HEATR9: variants seen among roughly 807,000 people sequenced by gnomAD.
HEATR9 encodes HEAT repeat containing 9, also known as protein HEATR9.
Under a neutral mutation model 68.2 loss-of-function variants are expected in HEATR9, and 54 were observed. That is an observed-to-expected ratio of 0.79 (90% confidence interval 0.64 to 0.99). The LOEUF (loss-of-function observed/expected upper bound fraction) is 0.99, where lower values mean the gene tolerates loss of function less well. Ranked by LOEUF, HEATR9 falls within the 50% of genes least tolerant of loss-of-function variation. The probability of loss-of-function intolerance (pLI) is 0.00; values close to 1 mark genes in which losing one functional copy is unlikely to be tolerated. For synonymous variants in HEATR9, 241 were observed against 253.5 expected (o/e 0.95, Z 0.47); for missense variants, 662 against 679.7 (o/e 0.97, Z 0.29).
intron 2 of HEATR9, among the ~76,000 whole-genome samples, chr17:35,865,758 G>A (rs1163937222): frequency 6.6e-6 from 1 of 152,168 alleles, no homozygotes; most frequent in Non-Finnish European, 1.5e-5. Context: ...CTTTGAAAAT[G>A]ACACTTGAGT....
At chr17:35,860,906 C>T (rs917691127) in intron 8 of HEATR9, among the ~76,000 whole-genome samples, 3 of 151,958 alleles carry the variant, frequency 2.0e-5, no homozygotes, top group Non-Finnish European at 2.9e-5. Context: ...ATTAGCCGGG[C>T]GTGGTGGCAC....
chr17:35,860,134 C>T (rs780217029), intron 8 of HEATR9, among the ~76,000 whole-genome samples: 7 of 151,930 alleles, frequency 4.6e-5, no homozygotes, highest in East Asian at 1.9e-4. Flanking sequence ...CGGTGGCTTA[C>T]GCCTGTAATC....
At chr17:35,864,977 C>G (rs1285700204) in intron 3 of HEATR9, 87 bp from the exon 4 acceptor site, 1 of 1,541,682 alleles carries the variant, frequency 6.5e-7, no homozygotes, top group African/African-American at 1.4e-5. Flanking sequence ...AGGGCTACAG[C>G]CCAGCTCAGA....
chr17:35,867,365 G>A (rs1024699393), intron 1 of HEATR9, among the ~76,000 whole-genome samples: 1 of 149,470 alleles, frequency 6.7e-6, no homozygotes, highest in Non-Finnish European at 1.5e-5. Flanking sequence ...AACCTGGGAG[G>A]TGAAGGTTGC....
At chr17:35,865,080 C>A in intron 3 of HEATR9, 135 bp downstream of exon 3, 1 of 1,308,020 alleles carries the variant, frequency 7.6e-7, no homozygotes. Context: ...CTGAGCCAAG[C>A]CGAGCCGCCC....
At chr17:35,858,813 G>T in intron 9 of HEATR9, 75 bp downstream of exon 9, 1 of 1,509,384 alleles carries the variant, frequency 6.6e-7, no homozygotes, top group Non-Finnish European at 9.1e-7. Flanking sequence ...CCACCAGGAT[G>T]GCAGGATCCA....
intron 8 of HEATR9, among the ~76,000 whole-genome samples, chr17:35,861,768 TC>T (rs2088000873): frequency 6.6e-6 from 1 of 152,176 alleles, no homozygotes; most frequent in Admixed American, 6.5e-5. Flanking sequence ...CCATCCCTAC[TC>T]CTACTTGTCA....
At chr17:35,868,519 G>A in intron 1 of HEATR9, 136 bp downstream of exon 1, 1 of 1,457,228 alleles carries the variant, frequency 6.9e-7, no homozygotes, top group Non-Finnish European at 9.1e-7. Flanking sequence ...AGCCATCAAA[G>A]TGTCCAAGGG....
At chr17:35,862,862 G>A in intron 8 of HEATR9, 133 bp downstream of exon 8, 15 of 1,299,512 alleles carry the variant, frequency 1.2e-5, no homozygotes, top group Middle Eastern at 1.9e-4. Context: ...ACTCCCGAGG[G>A]AACTCCTCAA....
At chr17:35,858,562 C>T in intron 9 of HEATR9, 37 bp from the exon 10 acceptor site, 2 of 1,567,740 alleles carry the variant, frequency 1.3e-6, no homozygotes, top group Non-Finnish European at 8.8e-7. Context: ...TGTACAGGGC[C>T]TAGAGGCATC....
intron 13 of HEATR9, 71 bp downstream of exon 13, chr17:35,856,102 A>G (rs1438359519): frequency 6.7e-7 from 1 of 1,484,144 alleles, no homozygotes; most frequent in Non-Finnish European, 9.4e-7. Flanking sequence ...CCCCTCAGTG[A>G]CTCTGCTCAA....
intron 1 of HEATR9, 192 bp downstream of exon 1, chr17:35,868,463 C>A (rs912194075): frequency 2.5e-5 from 24 of 973,282 alleles, no homozygotes; most frequent in Non-Finnish European, 3.4e-5. Context: ...TCTTAGAGAT[C>A]CCTGTAGGCC....
rs756064681 is a variant in HEATR9, at chr17:35,866,710, G to T, written c.138+14C>A. ...TGATACAGCTCCCAGGGTAGCAAAA[G>T]TAAGGGGTCTTACCTGGTAGCAGGA... is the stretch of plus-strand genomic sequence containing the variant. On this transcript the variant is annotated intron_variant, in intron 2 of 14. Coordinates refer to ENST00000604834, the MANE Select transcript of HEATR9 (RefSeq NM_152781.4). 6.2e-7 allele frequency: 1 copy of T among 1,612,904 alleles called. No individual in the cohort carries two copies. Among genetic ancestry groups the T allele is most frequent in the African/African-American group, 1.3e-5 (1 of 74,884 alleles).
chr17:35,855,544 A>T (rs545416333), intron 14 of HEATR9, 120 bp downstream of exon 14: 1 of 1,285,904 alleles, frequency 7.8e-7, no homozygotes, highest in Non-Finnish European at 1.1e-6. Context: ...GTCAAGGGAC[A>T]GTGTCTAAGG....
At chr17:35,865,466 AG>A (rs1337138318) in intron 2 of HEATR9, 70 bp from the exon 3 acceptor site, 4 of 1,162,486 alleles carry the variant, frequency 3.4e-6, no homozygotes, top group East Asian at 2.4e-5. Context: ...TATGGGGAGG[AG>A]GGGGTAAAGG....
chr17:35,864,616 G>C, intron 4 of HEATR9, 63 bp from the exon 5 acceptor site: 1 of 1,592,252 alleles, frequency 6.3e-7, no homozygotes, highest in East Asian at 2.2e-5. Flanking sequence ...TCAAACTAAA[G>C]GGAGCTCATC....
rs1276705211 is a variant in HEATR9, at chr17:35,864,489, C to T, written c.510+8G>A. On this transcript the variant is annotated splice_region_variant and intron_variant, in intron 5 of 14. Transcript: ENST00000604834. ...TAACCACCCTCCTCTATCCTTGCCT[C>T]TTCTCACCTGTGCTGCATAGAACTG... 2 of 1,613,394 alleles carry T rather than the reference C, an allele frequency of 1.2e-6. No homozygotes were observed. The highest frequency in any genetic ancestry group is 1.7e-6 in the Non-Finnish European group (2 of 1,179,734).
chr17:35,868,655 C>T lies in HEATR9; in HGVS notation c.88G>A (p.Glu30Lys). The T allele has an allele frequency of 1.2e-6, 2 of 1,614,160 alleles. No homozygotes were observed. Among genetic ancestry groups the T allele is most frequent in the Non-Finnish European group, 8.5e-7 (1 of 1,180,022 alleles). Residue 30 changes from glutamate to lysine, a missense_variant and splice_region_variant, in exon 1 of 15, where the codon GAA becomes AAA. By Grantham distance (56) the Glu-to-Lys change is moderately conservative. Transcript: ENST00000604834. ...CCATTTCTGTCCATCCCAGCCTCACCTTTGGTCTTGTCTGGATATTCCAGC... is the reference window on the plus strand; with the variant it reads ...CCATTTCTGTCCATCCCAGCCTCACTTTTGGTCTTGTCTGGATATTCCAGC... The part of the protein sequence containing the change: ...PWLEYPDKTK[E>K]LRKAMAPVHL...
At chr17:35,855,509 G>A in intron 14 of HEATR9, 99 bp from the exon 15 acceptor site, 2 of 1,334,358 alleles carry the variant, frequency 1.5e-6, no homozygotes, top group South Asian at 2.5e-5. Flanking sequence ...TCTAGCCACA[G>A]GGCACTGTGG....
Sources: gnomAD v4.1 joint callset for allele counts (sites outside exome capture counted in the v4.1 genomes callset) on GRCh38, gnomAD v4.1.1 for gene constraint, MANE v1.5 for transcripts, NCBI Gene and HGNC (gene_info 2026-07-23, HGNC 2026-07-21) for gene names.